The following SLCO1B3 variants were observed in gnomAD, a reference collection of about 807,000 sequenced individuals.
SLCO1B3 encodes solute carrier organic anion transporter family member 1B3, also known as liver-specific organic anion transporter 2.
A neutral mutation model predicts 71.8 loss-of-function variants in SLCO1B3; 72 were observed. The ratio of observed to expected loss-of-function variants is 1.00; its 90% CI spans 0.83 to 1.22. The LOEUF (loss-of-function observed/expected upper bound fraction) is 1.22, where lower values mean the gene tolerates loss of function less well. SLCO1B3 is among the 50% of genes most tolerant of loss of function. The probability of loss-of-function intolerance (pLI) is 0.00; values close to 1 mark genes in which losing one functional copy is unlikely to be tolerated. For synonymous variants in SLCO1B3, 298 were observed against 278.4 expected, an observed-to-expected ratio of 1.07 and a Z score of -0.70; for missense variants, 911 against 819.7, an observed-to-expected ratio of 1.11 and a Z score of -1.36.
chr12:20,848,070 A>G (rs1274731289), intron 3 of SLCO1B3, among the ~76,000 whole-genome samples: 2 of 152,148 alleles, frequency 1.3e-5, no homozygotes, highest in East Asian at 1.9e-4. Context: ...GTCAGAAACT[A>G]TGGAGACTAG....
intron 13 of SLCO1B3, among the ~76,000 whole-genome samples, chr12:20,895,806 C>T (rs901261399): frequency 2.6e-5 from 4 of 152,224 alleles, no homozygotes; most frequent in African/African-American, 9.6e-5. Context: ...TTCATACTGC[C>T]CTAGCAGAGG....
intron 10 of SLCO1B3, among the ~76,000 whole-genome samples, chr12:20,878,783 A>C (rs538249274): frequency 6.6e-6 from 1 of 152,262 alleles, no homozygotes; most frequent in East Asian, 1.9e-4. Context: ...GGACTGTGAA[A>C]TGGAAAAAAT....
intron 3 of SLCO1B3, among the ~76,000 whole-genome samples, chr12:20,838,919 T>C (rs1864738888): frequency 6.6e-6 from 1 of 152,032 alleles, no homozygotes; most frequent in African/African-American, 2.4e-5. Context: ...TTTTATATAA[T>C]ACCATTAATT....
chr12:20,824,515 A>G (rs753957868), intron 3 of SLCO1B3, among the ~76,000 whole-genome samples: 2 of 152,212 alleles, frequency 1.3e-5, no homozygotes, highest in African/African-American at 2.4e-5. Context: ...CAAAAATCTT[A>G]GAACAGCCAT....
chr12:20,825,888 A>G (rs1392756825), intron 3 of SLCO1B3, among the ~76,000 whole-genome samples: 1 of 151,926 alleles, frequency 6.6e-6, no homozygotes, highest in Non-Finnish European at 1.5e-5. Flanking sequence ...AGTAAAATGG[A>G]CATGATAACC....
At chr12:20,902,246 T>C (rs2082519) in intron 15 of SLCO1B3, 121,699 of 167,016 alleles carry the variant, frequency 0.73, 48,817 homozygotes, top group South Asian at 0.93. Flanking sequence ...ATCGTCAGAC[T>C]GCTTTCTACA....
intron 3 of SLCO1B3, among the ~76,000 whole-genome samples, chr12:20,820,184 G>A (rs932307464): frequency 2.0e-5 from 3 of 152,042 alleles, no homozygotes; most frequent in African/African-American, 4.8e-5. Flanking sequence ...TTAAGAAGGG[G>A]ACGGACTTAC....
At chr12:20,891,378 C>G (rs1450310236) in intron 13 of SLCO1B3, among the ~76,000 whole-genome samples, 1 of 151,780 alleles carries the variant, frequency 6.6e-6, no homozygotes, top group Non-Finnish European at 1.5e-5. Context: ...AAGATTCCTG[C>G]TGAGAAGTCT....
rs6144640 is a variant in SLCO1B3 at position 20,878,135 on chromosome 12, TTAATTCCATAGGTGAAATTCACC to T, written c.1135+206_1135+228del. 0.72 allele frequency among the ~76,000 whole-genome samples: 109,639 copies of T among 151,596 alleles called. 42,255 individuals are homozygous for T. Among genetic ancestry groups the T allele is most frequent in the South Asian group, 0.9 (4,326 of 4,806 alleles). Reference sequence around the variant, plus strand: ...AAGTTGCATCTCATGTTAGGTGAATTTAATTCCATAGGTGAAATTCACCTAATTCTATAGGTGAAATTCTAAAG... The same window carrying T: ...AAGTTGCATCTCATGTTAGGTGAATTTAATTCTATAGGTGAAATTCTAAAG... On this transcript the variant is annotated intron_variant, in intron 10 of 15. Coordinates refer to ENST00000381545, the MANE Select transcript of SLCO1B3 (RefSeq NM_019844.4).
At chr12:20,820,479 G>A (rs578242303) in intron 3 of SLCO1B3, among the ~76,000 whole-genome samples, 23 of 152,328 alleles carry the variant, frequency 1.5e-4, no homozygotes, top group Admixed American at 5.9e-4. Flanking sequence ...GCTCCTGGGG[G>A]AGGAGGTTCT....
At chr12:20,819,050 T>C (rs1419065730) in intron 3 of SLCO1B3, among the ~76,000 whole-genome samples, 2 of 152,166 alleles carry the variant, frequency 1.3e-5, no homozygotes, top group African/African-American at 4.8e-5. Context: ...TTGAGCATAG[T>C]TTGTGATTTT....
In SLCO1B3 at chr12:20,839,001, A is replaced by G. The variant is rs201515423; in HGVS notation, c.85-16027A>G. 2.0e-4 allele frequency among the ~76,000 whole-genome samples: 30 copies of G among 152,008 alleles called. No individual in the cohort carries two copies. In the East Asian group the frequency reaches 5.4e-3, roughly 27 times the overall value. ...ATATAGTAGTTGCCCTGGTGCTTGT[A>G]AGATATATTTACAACTATTTCAAGT... On this transcript the variant is annotated intron_variant, in intron 3 of 15. Transcript: ENST00000381545.
At chr12:20,869,220 G>A (rs570391602) in intron 8 of SLCO1B3, among the ~76,000 whole-genome samples, 41 of 152,270 alleles carry the variant, frequency 2.7e-4, no homozygotes, top group African/African-American at 9.9e-4. Flanking sequence ...ACTGTGGTCC[G>A]CCTGGCAATG....
intron 3 of SLCO1B3, among the ~76,000 whole-genome samples, chr12:20,836,785 G>C (rs1864691105): frequency 6.6e-6 from 1 of 152,006 alleles, no homozygotes; most frequent in Admixed American, 6.6e-5. Context: ...GGGACTACAG[G>C]CACCCACCAC....
chr12:20,855,814 A>G (rs1312704144), intron 4 of SLCO1B3, among the ~76,000 whole-genome samples: 1 of 151,600 alleles, frequency 6.6e-6, no homozygotes, highest in South Asian at 2.1e-4. Flanking sequence ...AAGAAAAATT[A>G]AAATTTTTCT....
intron 6 of SLCO1B3, 22 bp from the exon 7 acceptor site, chr12:20,862,390 A>G (rs1006633298): frequency 8.2e-6 from 13 of 1,582,092 alleles, no homozygotes; most frequent in Non-Finnish European, 1.1e-5. Flanking sequence ...GTTTAAAGTA[A>G]AACACTCTCT....
intron 3 of SLCO1B3, among the ~76,000 whole-genome samples, chr12:20,848,657 A>G (rs1433903240): frequency 1.3e-5 from 2 of 152,198 alleles, no homozygotes; most frequent in Admixed American, 1.3e-4. Context: ...TAGTGATTAA[A>G]AAGAAATGGA....
At chr12:20,830,178 G>GT (rs1434142472) in intron 3 of SLCO1B3, among the ~76,000 whole-genome samples, 1 of 152,266 alleles carries the variant, frequency 6.6e-6, no homozygotes, top group East Asian at 1.9e-4. Context: ...CCTGGCGCCC[G>GT]TAAGAGCCTT....
At chr12:20,824,306 G>A (rs999376285) in intron 3 of SLCO1B3, among the ~76,000 whole-genome samples, 3 of 152,132 alleles carry the variant, frequency 2.0e-5, no homozygotes, top group Non-Finnish European at 2.9e-5. Context: ...TTAACTCCAT[G>A]TTCTGCTCAA....
Sources: gnomAD v4.1 joint callset for allele counts (sites outside exome capture counted in the v4.1 genomes callset) on GRCh38, gnomAD v4.1.1 for gene constraint, MANE v1.5 for transcripts, NCBI Gene and HGNC (gene_info 2026-07-23, HGNC 2026-07-21) for gene names.